TBC1D31: variants seen among roughly 807,000 people sequenced by gnomAD.
TBC1D31 encodes the protein WD repeat domain 67.
In TBC1D31, 99 loss-of-function variants were observed where a neutral mutation model predicts 132.9. The ratio of observed to expected loss-of-function variants is 0.74; its 90% CI spans 0.63 to 0.88. The LOEUF is 0.88. Among genes scored for constraint, TBC1D31 ranks in the 40% least tolerant of loss-of-function variants. The pLI is 0.00. For missense variants in TBC1D31, 1,134 were observed against 1,256.6 expected (o/e 0.90, Z 1.48); for synonymous variants, 385 against 419.4 (o/e 0.92, Z 1.00).
At chr8:123,115,137 T>C (rs1254333226) in intron 10 of TBC1D31, among the ~76,000 whole-genome samples, 2 of 152,248 alleles carry the variant, frequency 1.3e-5, no homozygotes, top group African/African-American at 2.4e-5. Context: ...CATTTTTTCT[T>C]TCTCTCTCAG....
chr8:123,094,331 G>A (rs1042656139), intron 5 of TBC1D31, among the ~76,000 whole-genome samples: 2 of 151,790 alleles, frequency 1.3e-5, no homozygotes, highest in African/African-American at 2.4e-5. Flanking sequence ...CAGAGTGCTG[G>A]GATTACAGGC....
intron 4 of TBC1D31, 24 bp from the exon 5 acceptor site, chr8:123,093,567 C>CT: frequency 6.4e-7 from 1 of 1,551,592 alleles, no homozygotes; most frequent in Non-Finnish European, 8.8e-7. Flanking sequence ...TATGTGAAAA[C>CT]TAACTTTCTC....
intron 2 of TBC1D31, among the ~76,000 whole-genome samples, chr8:123,078,334 T>C (rs1210121575): frequency 1.3e-5 from 2 of 152,138 alleles, no homozygotes; most frequent in Non-Finnish European, 1.5e-5. Context: ...CTTACATATA[T>C]GGAGGGCAGA....
intron 13 of TBC1D31, 48 bp from the exon 14 acceptor site, chr8:123,128,233 A>C: frequency 1.0e-6 from 1 of 953,176 alleles, no homozygotes; most frequent in Non-Finnish European, 1.7e-6. Flanking sequence ...CTACCTCATA[A>C]TTGCTTTGTC....
At chr8:123,104,167 A>G (rs1310042421) in intron 7 of TBC1D31, 2 of 152,216 alleles carry the variant, frequency 1.3e-5, no homozygotes, top group African/African-American at 4.8e-5. Flanking sequence ...ACATTTTAAT[A>G]AATTTTAATT....
intron 18 of TBC1D31, among the ~76,000 whole-genome samples, chr8:123,141,667 G>A (rs1264510443): frequency 6.6e-6 from 1 of 151,996 alleles, no homozygotes; most frequent in Non-Finnish European, 1.5e-5. Context: ...TCTCTTAGGT[G>A]ATTTCCTCAA....
chr8:123,163,865 T>G, the TBC1D31 span, among the ~76,000 whole-genome samples: 1 of 152,184 alleles, frequency 6.6e-6, no homozygotes, highest in Admixed American at 6.5e-5. Context: ...TGACACTAAG[T>G]ACATTCATAG....
intron 19 of TBC1D31, 58 bp downstream of exon 19, chr8:123,142,514 AAAAGAC>A: frequency 3.4e-6 from 4 of 1,178,878 alleles, no homozygotes; most frequent in Non-Finnish European, 4.5e-6. Flanking sequence ...TTTTTTTTTT[AAAAGAC>A]AGAGTCTCAC....
At position 123,097,011 on chromosome 8, in the gene TBC1D31, G is replaced by A. The variant is rs144488428; in HGVS notation, c.672-271G>A. Among the ~76,000 whole-genome samples the A allele has an allele frequency of 2.7e-3, 416 of 152,246 alleles. 2 individuals are homozygous for A. Among genetic ancestry groups the A allele is most frequent in the Non-Finnish European group, 2.9e-3 (195 of 68,022 alleles). On this transcript the variant is annotated intron_variant, in intron 5 of 21. Coordinates refer to ENST00000287380, the MANE Select transcript of TBC1D31 (RefSeq NM_145647.4). ...CATTAAACAAGTGTTTGGTAAACTG[G>A]TGCCTTAGCACAGTAGGTAAAAAAA...
At chr8:123,130,087 TA>T in intron 15 of TBC1D31, 110 bp from the exon 16 acceptor site, 1 of 1,095,988 alleles carries the variant, frequency 9.1e-7, no homozygotes, top group Non-Finnish European at 1.3e-6. Flanking sequence ...TTCTTTCAAA[TA>T]AAGGATATCA....
chr8:123,082,648 G>T, intron 2 of TBC1D31, 54 bp from the exon 3 acceptor site: 1 of 1,318,016 alleles, frequency 7.6e-7, no homozygotes. Flanking sequence ...CTTCCACATG[G>T]AATTTGTAAT....
At chr8:123,121,908 G>A (rs1819540858) in intron 11 of TBC1D31, among the ~76,000 whole-genome samples, 2 of 152,118 alleles carry the variant, frequency 1.3e-5, no homozygotes, top group Admixed American at 6.6e-5. Flanking sequence ...TTCTCCATAG[G>A]CAGTATACAA....
chr8:123,084,140 A>C, intron 3 of TBC1D31, 22 bp from the exon 4 acceptor site: 1 of 1,610,066 alleles, frequency 6.2e-7, no homozygotes, highest in Non-Finnish European at 8.5e-7. Flanking sequence ...TACCTGGGTA[A>C]CAATTTTACT....
intron 11 of TBC1D31, among the ~76,000 whole-genome samples, chr8:123,125,250 G>A (rs767338979): frequency 3.0e-4 from 45 of 152,098 alleles, no homozygotes; most frequent in South Asian, 4.1e-4. Flanking sequence ...AAAACAAACC[G>A]ATGGTCTTAT....
chr8:123,127,084 T>C (rs983175981), intron 13 of TBC1D31, among the ~76,000 whole-genome samples: 1 of 152,042 alleles, frequency 6.6e-6, no homozygotes, highest in African/African-American at 2.4e-5. Context: ...ATTGAGTCCC[T>C]GTTATATGTC....
Position 123,151,933 on chromosome 8 carries a change from T to A in TBC1D31, c.3195T>A (p.Ala1065=), listed in dbSNP as rs763001949. The stretch of plus-strand genomic sequence containing the variant: ...GATGTCAAACCCCTCATCTTTTGGC[T>A]GCATAGAATGCATGTCACCTTGAGA... ...RHRCQTPHLL[A]A Residue 1065 remains alanine (A), a synonymous_variant, in exon 22 of 22, where the codon GCT becomes GCA. Coordinates refer to ENST00000287380, the MANE Select transcript of TBC1D31 (RefSeq NM_145647.4). 2 of 1,533,838 alleles carry A rather than the reference T, an allele frequency of 1.3e-6. No homozygotes were observed. The highest frequency in any genetic ancestry group is 2.8e-5 in the African/African-American group (2 of 71,232).
At chr8:123,113,890 AC>A (rs1818676683) in intron 10 of TBC1D31, among the ~76,000 whole-genome samples, 1 of 152,232 alleles carries the variant, frequency 6.6e-6, no homozygotes, top group Admixed American at 6.5e-5. Context: ...AAGGGCGATA[AC>A]CAAATTCAAT....
intron 8 of TBC1D31, among the ~76,000 whole-genome samples, chr8:123,108,132 G>T (rs1021704573): frequency 6.6e-6 from 1 of 152,044 alleles, no homozygotes; most frequent in Non-Finnish European, 1.5e-5. Flanking sequence ...GTTTCTTCTT[G>T]TAAAAAGAGC....
intron 10 of TBC1D31, among the ~76,000 whole-genome samples, chr8:123,112,219 G>A (rs1055487697): frequency 1.3e-5 from 2 of 152,106 alleles, no homozygotes; most frequent in Non-Finnish European, 2.9e-5. Flanking sequence ...ATATGATAAT[G>A]CCACTAGCTC....
Sources: gnomAD v4.1 joint callset for allele counts (sites outside exome capture counted in the v4.1 genomes callset) on GRCh38, gnomAD v4.1.1 for gene constraint, MANE v1.5 for transcripts, NCBI Gene and HGNC (gene_info 2026-07-23, HGNC 2026-07-21) for gene names.